The following PYCR1 variants were observed in gnomAD, a reference collection of about 807,000 sequenced individuals.
PYCR1 encodes pyrroline-5-carboxylate reductase 1, mitochondrial.
A neutral mutation model predicts 22.9 loss-of-function variants in PYCR1; 19 were observed. The ratio of observed to expected loss-of-function variants is 0.83; its 90% CI spans 0.58 to 1.22. The LOEUF is 1.22. Among genes scored for constraint, PYCR1 ranks in the 50% most tolerant of loss-of-function variants. PYCR1 has a pLI of 0.00. For synonymous variants in PYCR1, 175 were observed against 180.5 expected, an observed-to-expected ratio of 0.97 and a Z score of 0.24; for missense variants, 429 against 431.3, an observed-to-expected ratio of 0.99 and a Z score of 0.05.
rs1048374057 is a variant in PYCR1 at position 81,933,139 on chromosome 17, C to G, written c.*75G>C. On this transcript the variant is annotated 3_prime_UTR_variant, in exon 7 of 7. Coordinates refer to ENST00000329875, the MANE Select transcript of PYCR1 (RefSeq NM_006907.4). ...GATCAGAGCCACAGAAAGTGGGCCA[C>G]TTTGGGGACCCCCTAGTCCCCCTAG... 3.7e-6 allele frequency: 6 copies of G among 1,607,680 alleles called. No individual in the cohort carries two copies. The African/African-American group carries it at 4.0e-5, about 11-fold the overall frequency.
chr17:81,935,196 A>T, intron 3 of PYCR1, 49 bp from the exon 4 acceptor site: 1 of 1,572,744 alleles, frequency 6.4e-7, no homozygotes. Flanking sequence ...CAGTGCCTAG[A>T]TGCACTCACC....
intron 2 of PYCR1, 120 bp from the exon 3 acceptor site, chr17:81,935,636 G>T: frequency 1.2e-6 from 1 of 866,470 alleles, no homozygotes; most frequent in Non-Finnish European, 1.8e-6. Context: ...GCAGGGCTGG[G>T]GGCTCAGGGC....
chr17:81,933,428 G>C, intron 6 of PYCR1, 52 bp from the exon 7 acceptor site: 1 of 1,604,664 alleles, frequency 6.2e-7, no homozygotes, highest in Non-Finnish European at 8.5e-7. Flanking sequence ...CACCCAGGAA[G>C]AGGGAGTGAA....
Position 81,936,156 on chromosome 17 carries a change from T to A in PYCR1, c.105A>T (p.Pro35=). The A allele has an allele frequency of 6.2e-7, 1 of 1,613,784 alleles. No homozygotes were observed. Among genetic ancestry groups the A allele is most frequent in the South Asian group, 1.1e-5 (1 of 91,086 alleles). ...CAGAAACTGTGGCCAGGTCCATGTC[T>A]GGGGAGCTAGCCATTATCTTGTGGG... The part of the protein sequence containing the change: ...LAAHKIMASS[P]DMDLATVSAL... The change falls in exon 2 of 7, where the codon CCA becomes CCT. Residue 35 remains proline, a synonymous_variant. Transcript: ENST00000329875.
chr17:81,932,500 C>T lies in PYCR1; in HGVS notation c.*714G>A, dbSNP rs944389830. 2.9e-6 allele frequency: 1 copy of T among 344,144 alleles called. No homozygotes were observed. The highest frequency in any genetic ancestry group is 5.6e-6 in the Non-Finnish European group (1 of 177,258). The allele number at this position is 344,144 out of a possible 1,614,324, so 21.3% of individuals were successfully genotyped here. On this transcript the variant is annotated 3_prime_UTR_variant, in exon 7 of 7. Coordinates refer to ENST00000329875, the MANE Select transcript of PYCR1 (RefSeq NM_006907.4). Reference sequence around the variant, plus strand: ...CTATTCCACCCACAGTAACCACCCTCCCACACAGGCAGGGCCTCCCTCCTC... The same window carrying T: ...CTATTCCACCCACAGTAACCACCCTTCCACACAGGCAGGGCCTCCCTCCTC...
intron 2 of PYCR1, 120 bp downstream of exon 2, chr17:81,936,003 A>G (rs1312185521): frequency 7.1e-6 from 8 of 1,120,416 alleles, no homozygotes; most frequent in Non-Finnish European, 1.1e-5. Flanking sequence ...GGTGGGGTCC[A>G]TGAGACCCCA....
chr17:81,936,269 A>C, intron 1 of PYCR1, 76 bp from the exon 2 acceptor site: 2 of 1,444,452 alleles, frequency 1.4e-6, no homozygotes, highest in Non-Finnish European at 1.9e-6. Context: ...TGTGTTGCCC[A>C]GGCTGGAGTG....
chr17:81,935,609 GCT>G, intron 2 of PYCR1, 93 bp from the exon 3 acceptor site: 5 of 1,139,332 alleles, frequency 4.4e-6, no homozygotes, highest in Non-Finnish European at 3.7e-6. Context: ...CACAGAGAAT[GCT>G]GGAGTTGGGG....
At position 81,934,430 on chromosome 17, in the gene PYCR1, G is replaced by C; in HGVS notation, c.693C>G (p.Val231=). 1 of 1,611,458 alleles carries C rather than the reference G, an allele frequency of 6.2e-7. No individual in the cohort carries two copies. Among genetic ancestry groups the C allele is most frequent in the South Asian group, 1.1e-5 (1 of 90,492 alleles). Residue 231 remains valine (V), a synonymous_variant, in exon 6 of 7, where the codon GTC becomes GTG. Transcript: ENST00000329875. ...EQHPGQLKDN[V]SSPGGATIHA... ...GGATGGTGGCCCCACCAGGAGAGCT[G>C]ACGTTGTCCTTGAGCTGGCCTGGGT... is the stretch of plus-strand genomic sequence containing the variant.
chr17:81,932,932 T>A lies in PYCR1; in HGVS notation c.*282A>T, dbSNP rs1170183691. The A allele has an allele frequency of 6.2e-7, 1 of 1,612,012 alleles. No homozygotes were observed. Among genetic ancestry groups the A allele is most frequent in the African/African-American group, 1.3e-5 (1 of 74,916 alleles). ...CTGGAGTAGGAGTGGGTGAAGACCC[T>A]CCGGGCTCCCGAGCTCTAGAGGAAG... is the stretch of plus-strand genomic sequence containing the variant. On this transcript the variant is annotated 3_prime_UTR_variant, in exon 7 of 7. Transcript: ENST00000329875.
rs879479092 is a variant in PYCR1 at position 81,932,801 on chromosome 17, A to G, written c.*413T>C. The G allele has an allele frequency of 1.1e-4, 163 of 1,516,370 alleles. No homozygotes were observed. The highest frequency in any genetic ancestry group is 1.4e-4 in the Non-Finnish European group (153 of 1,121,888). The allele number at this position is 1,516,370 out of a possible 1,614,324, so 93.9% of individuals were successfully genotyped here. A position where few individuals can be genotyped will look rare whatever the true frequency, so the allele number is the denominator to read the frequency against. On this transcript the variant is annotated 3_prime_UTR_variant, in exon 7 of 7. Transcript: ENST00000329875. The stretch of plus-strand genomic sequence containing the variant: ...GAAGGAGAGGTTTCTCCCTGAATGG[A>G]GGGCAGGGAGGGGCCGGGAGGGGGC...
intron 4 of PYCR1, 41 bp downstream of exon 4, chr17:81,934,885 G>A (rs367867317): frequency 6.9e-6 from 11 of 1,602,430 alleles, no homozygotes; most frequent in African/African-American, 5.4e-5. Flanking sequence ...CGGTGGTCCC[G>A]GGAAGTGCCC....
intron 4 of PYCR1, 57 bp from the exon 5 acceptor site, chr17:81,934,802 G>T (rs964988058): frequency 9.1e-6 from 14 of 1,536,662 alleles, no homozygotes; most frequent in Middle Eastern, 1.7e-4. Flanking sequence ...TTCCCTTCTG[G>T]GCAAGCTCCA....
In PYCR1 at chr17:81,935,414, C is replaced by T; in HGVS notation, c.241G>A (p.Glu81Lys). Reference sequence around the variant, plus strand: ...CTGTCCTCAATGTCGGCGCCTATTTCATCCAGGATGAAGGGGATGATGTGT... The same window carrying T: ...CTGTCCTCAATGTCGGCGCCTATTTTATCCAGGATGAAGGGGATGATGTGT... ...KPHIIPFILD[E>K]IGADIEDRHI... The change falls in exon 3 of 7, where the codon GAA (glutamate) becomes AAA (lysine). Residue 81 changes from glutamate to lysine, a missense_variant. Glu to Lys is a moderately conservative substitution (Grantham distance 56, BLOSUM62 1). Transcript: ENST00000329875. The T allele has an allele frequency of 1.2e-6, 2 of 1,613,696 alleles. No individual in the cohort carries two copies. Among genetic ancestry groups the T allele is most frequent in the Non-Finnish European group, 1.7e-6 (2 of 1,179,990 alleles).
Position 81,937,184 on chromosome 17 carries a change from G to T in PYCR1, c.-370C>A. ...CCCCGCCCAGAACTGGGCTACCGTC[G>T]CGCCCCACCCGGCGACCGCCGCCCA... On this transcript the variant is annotated 5_prime_UTR_variant, in exon 1 of 7. Transcript: ENST00000329875. 6.8e-7 allele frequency: 1 copy of T among 1,473,888 alleles called. No homozygotes were observed. The highest frequency in any genetic ancestry group is 8.9e-7 in the Non-Finnish European group (1 of 1,118,044). The allele number at this position is 1,473,888 out of a possible 1,614,324, so 91.3% of individuals were successfully genotyped here.
rs1157220892 is a variant in PYCR1, at chr17:81,936,857, C to CTCT, written c.-44_-43insAGA. 6.3e-7 allele frequency: 1 copy of CTCT among 1,585,374 alleles called. No individual in the cohort carries two copies. Among genetic ancestry groups the CTCT allele is most frequent in the Non-Finnish European group, 8.6e-7 (1 of 1,167,354 alleles). On this transcript the variant is annotated 5_prime_UTR_variant, in exon 1 of 7. Coordinates refer to ENST00000329875, the MANE Select transcript of PYCR1 (RefSeq NM_006907.4). ...GGCCCAAAGCCCCCACAGATGGCAC[C>CTCT]GGCTCTGCGGGACGAGACCGGCAGG...
In PYCR1 at chr17:81,934,460, T is replaced by A; in HGVS notation, c.663A>T (p.Glu221Asp). The A allele has an allele frequency of 6.2e-7, 1 of 1,609,054 alleles. No homozygotes were observed. Among genetic ancestry groups the A allele is most frequent in the East Asian group, 2.2e-5 (1 of 44,722 alleles). Residue 221 changes from glutamate (E) to aspartate (D), a missense_variant, in exon 6 of 7, where the codon GAA (glutamate) becomes GAT (aspartate). Physicochemically the swap from Glu to Asp is conservative, Grantham distance 45 (BLOSUM62 2). Coordinates refer to ENST00000329875, the MANE Select transcript of PYCR1 (RefSeq NM_006907.4). ...LGAAKMLLHS[E>D]QHPGQLKDNV... ...TGTCCTTGAGCTGGCCTGGGTGCTGTTCTGAGTGCAGCAGCATCTTGGCAG... is the reference window on the plus strand; with the variant it reads ...TGTCCTTGAGCTGGCCTGGGTGCTGATCTGAGTGCAGCAGCATCTTGGCAG...
Position 81,936,190 on chromosome 17 carries a change from A to T in PYCR1, c.71T>A (p.Val24Asp). 6.2e-7 allele frequency: 1 copy of T among 1,613,028 alleles called. No individual in the cohort carries two copies. The highest frequency in any genetic ancestry group is 8.5e-7 in the Non-Finnish European group (1 of 1,179,660). The change falls in exon 2 of 7, where the codon GTC becomes GAC. Residue 24 changes from valine (V) to aspartate (D), a missense_variant. Val to Asp is a radical substitution (Grantham distance 152). Transcript: ENST00000329875. ...ALAKGFTAAG[V>D]LAAHKIMASS... ...AGCCATTATCTTGTGGGCAGCCAAG[A>T]CGCCTGAGGGGAGAAACAGTTCCTC...
chr17:81,935,255 CT>C, intron 3 of PYCR1, 81 bp downstream of exon 3: 1 of 1,588,532 alleles, frequency 6.3e-7, no homozygotes, highest in South Asian at 1.1e-5. Context: ...CGCTGCAACC[CT>C]TTTGCAGATG....
Sources: allele counts gnomAD v4.1 joint callset, GRCh38; gene constraint gnomAD v4.1.1; transcripts MANE v1.5; gene names NCBI Gene and HGNC (gene_info 2026-07-23, HGNC 2026-07-21).